The following SPOCK3 variants were observed in gnomAD, a reference collection of about 807,000 sequenced individuals.
The protein encoded by SPOCK3 is SPARC (osteonectin), cwcv and kazal like domains proteoglycan 3, also known as testican-3.
SPOCK3 carries 30 observed loss-of-function variants against 56.6 expected under a neutral mutation model. The observed-to-expected ratio is 0.53, with a 90% CI of 0.40 to 0.72. The LOEUF is 0.72. SPOCK3 is among the 30% of genes least tolerant of loss of function. The pLI is 0.00. For missense variants in SPOCK3, 527 were observed against 530.0 expected (o/e 0.99, Z 0.06); for synonymous variants, 196 against 183.3 (o/e 1.07, Z -0.56).
intron 2 of SPOCK3, among the ~76,000 whole-genome samples, chr4:167,126,957 CCT>C (rs771777323): frequency 6.2e-4 from 95 of 152,172 alleles, no homozygotes; most frequent in Non-Finnish European, 8.8e-4. Flanking sequence ...ATGTATTCCC[CCT>C]CTCTCTTCTT....
chr4:167,217,270 C>T (rs1012085353), intron 2 of SPOCK3, among the ~76,000 whole-genome samples: 4 of 152,072 alleles, frequency 2.6e-5, no homozygotes, highest in Non-Finnish European at 5.9e-5. Flanking sequence ...ATGAATTTCA[C>T]GTCCATGCAT....
chr4:167,026,066 T>C (rs1483508174), intron 3 of SPOCK3, among the ~76,000 whole-genome samples: 1 of 152,082 alleles, frequency 6.6e-6, no homozygotes, highest in East Asian at 1.9e-4. Flanking sequence ...ATGACATCAC[T>C]AGGTGACAGG....
chr4:167,178,688 T>C (rs1246200829), intron 2 of SPOCK3, among the ~76,000 whole-genome samples: 2 of 152,162 alleles, frequency 1.3e-5, no homozygotes, highest in Admixed American at 1.3e-4. Context: ...TTCAAAGAGA[T>C]ATGATAATAA....
At chr4:166,830,145 T>C (rs1279014291) in intron 6 of SPOCK3, among the ~76,000 whole-genome samples, 1 of 152,168 alleles carries the variant, frequency 6.6e-6, no homozygotes, top group Non-Finnish European at 1.5e-5. Context: ...GGTTTGCGTA[T>C]CCTAATCTAG....
chr4:166,798,449 G>GA (rs932265592), intron 6 of SPOCK3, among the ~76,000 whole-genome samples: 2 of 152,144 alleles, frequency 1.3e-5, no homozygotes, highest in Non-Finnish European at 2.9e-5. Flanking sequence ...TATGAAGGTG[G>GA]AAAACCAGTG....
chr4:166,944,216 G>C (rs1231000851), intron 4 of SPOCK3, among the ~76,000 whole-genome samples: 2 of 152,056 alleles, frequency 1.3e-5, no homozygotes, highest in Non-Finnish European at 1.5e-5. Flanking sequence ...ACAGAGAAGT[G>C]TCTCTTTTTT....
intron 4 of SPOCK3, among the ~76,000 whole-genome samples, chr4:166,996,015 A>C (rs914093968): frequency 6.6e-6 from 1 of 152,144 alleles, no homozygotes; most frequent in African/African-American, 2.4e-5. Flanking sequence ...ATACATTTAG[A>C]TCTTCTTTTA....
chr4:167,172,338 C>T (rs985960162), intron 2 of SPOCK3, among the ~76,000 whole-genome samples: 6 of 152,106 alleles, frequency 3.9e-5, no homozygotes, highest in African/African-American at 1.4e-4. Flanking sequence ...TTTTTAGTTT[C>T]GCAGTTTGGA....
At chr4:166,912,997 C>T (rs1247281782) in intron 4 of SPOCK3, among the ~76,000 whole-genome samples, 1 of 152,086 alleles carries the variant, frequency 6.6e-6, no homozygotes, top group Non-Finnish European at 1.5e-5. Context: ...TAAATGATAG[C>T]TGTATTTCTT....
intron 4 of SPOCK3, among the ~76,000 whole-genome samples, chr4:166,929,097 T>C (rs1010051162): frequency 1.3e-5 from 2 of 152,118 alleles, no homozygotes; most frequent in African/African-American, 4.8e-5. Context: ...GGTTCTGCAA[T>C]GTGTGGGGGC....
chr4:167,155,334 T>G (rs978575477), intron 2 of SPOCK3, among the ~76,000 whole-genome samples: 2 of 152,018 alleles, frequency 1.3e-5, no homozygotes, highest in African/African-American at 4.8e-5. Context: ...GACAGGCTGG[T>G]CTTGAACTCC....
At chr4:166,745,094 C>A (rs1016777914) in intron 8 of SPOCK3, among the ~76,000 whole-genome samples, 13 of 152,194 alleles carry the variant, frequency 8.5e-5, no homozygotes, top group African/African-American at 3.1e-4. Flanking sequence ...ACTTCCCCAA[C>A]CTAGCAAGGT....
intron 3 of SPOCK3, among the ~76,000 whole-genome samples, chr4:167,043,624 T>C (rs1753430783): frequency 6.6e-6 from 1 of 152,054 alleles, no homozygotes; most frequent in Admixed American, 6.6e-5. Flanking sequence ...ATTCCTACTT[T>C]ATACATAGTT....
chr4:167,086,398 T>C (rs1490759234), intron 2 of SPOCK3, among the ~76,000 whole-genome samples: 1 of 152,022 alleles, frequency 6.6e-6, no homozygotes, highest in Non-Finnish European at 1.5e-5. Context: ...AACAAAAGGA[T>C]GCTGATAGTG....
At chr4:166,838,315 T>C (rs1746846390) in intron 6 of SPOCK3, among the ~76,000 whole-genome samples, 1 of 152,148 alleles carries the variant, frequency 6.6e-6, no homozygotes, top group African/African-American at 2.4e-5. Flanking sequence ...GTTAGGTCTT[T>C]TGTGGTAGTC....
chr4:167,033,610 C>T (rs924903292), intron 3 of SPOCK3, among the ~76,000 whole-genome samples: 3 of 151,900 alleles, frequency 2.0e-5, no homozygotes, highest in African/African-American at 7.2e-5. Flanking sequence ...CAGGCCTTCA[C>T]ACCCCTAATC....
At chr4:167,185,492 T>C (rs901361668) in intron 2 of SPOCK3, among the ~76,000 whole-genome samples, 1 of 152,160 alleles carries the variant, frequency 6.6e-6, no homozygotes, top group Non-Finnish European at 1.5e-5. Context: ...CTTCTTCCCT[T>C]TCTTTTTTCT....
intron 2 of SPOCK3, among the ~76,000 whole-genome samples, chr4:167,114,462 G>A (rs943967463): frequency 2.6e-5 from 4 of 151,996 alleles, no homozygotes; most frequent in Non-Finnish European, 4.4e-5. Context: ...TTAAATATAC[G>A]AGCTCCCTCA....
rs191625518 is a variant in SPOCK3 at position 167,222,439 on chromosome 4, C to T, written c.189+11546G>A. ...ATGGCTAATATAGTAAATTTTATGT[C>T]GTGCTTTTTACAATTAAAAATTATA... On this transcript the variant is annotated intron_variant, in intron 2 of 10. Transcript: ENST00000357545. Among the ~76,000 whole-genome samples the T allele has an allele frequency of 6.3e-3, 934 of 147,854 alleles. 7 individuals carry two copies. The highest frequency in any genetic ancestry group is 0.022 in the African/African-American group (884 of 40,480).
Sources: gnomAD v4.1 joint callset for allele counts (sites outside exome capture counted in the v4.1 genomes callset) on GRCh38, gnomAD v4.1.1 for gene constraint, MANE v1.5 for transcripts, NCBI Gene and HGNC (gene_info 2026-07-23, HGNC 2026-07-21) for gene names.